The following WWOX variants were observed in gnomAD, a reference collection of about 807,000 sequenced individuals.
WWOX encodes the protein WW domain containing oxidoreductase.
Under a neutral mutation model 46.2 loss-of-function variants are expected in WWOX, and 69 were observed. The observed-to-expected ratio is 1.49, with a 90% CI of 1.23 to 1.82. WWOX has a LOEUF of 1.82. Ranked by LOEUF, WWOX falls within the 40% of genes most tolerant of loss-of-function variation. WWOX has a pLI of 0.00. For missense variants in WWOX, 919 were observed against 542.6 expected, an observed-to-expected ratio of 1.69 and a Z score of -6.89; for synonymous variants, 359 against 202.6, an observed-to-expected ratio of 1.77 and a Z score of -6.56.
chr16:78,604,123 G>T (rs142772500), intron 8 of WWOX, among the ~76,000 whole-genome samples: 3 of 152,228 alleles, frequency 2.0e-5, no homozygotes, highest in African/African-American at 7.2e-5. Flanking sequence ...TAGCCTGGGT[G>T]ACCGAGACCT....
intron 8 of WWOX, among the ~76,000 whole-genome samples, chr16:78,995,234 C>A (rs181768943): frequency 6.6e-6 from 1 of 151,998 alleles, no homozygotes; most frequent in African/African-American, 2.4e-5. Context: ...AAAGCCCATG[C>A]CCAATCCTTG....
At chr16:78,992,493 T>A (rs1398982116) in intron 8 of WWOX, among the ~76,000 whole-genome samples, 1 of 151,996 alleles carries the variant, frequency 6.6e-6, no homozygotes, top group Non-Finnish European at 1.5e-5. Context: ...ACAAAAACAA[T>A]TTGGCTCCAG....
chr16:78,917,928 G>A (rs756561870), intron 8 of WWOX, among the ~76,000 whole-genome samples: 4 of 152,150 alleles, frequency 2.6e-5, no homozygotes, highest in Non-Finnish European at 4.4e-5. Context: ...TAGGCTGGGC[G>A]TGGTGGCTCA....
intron 5 of WWOX, chr16:78,355,804 C>T: frequency 1.4e-6 from 1 of 720,910 alleles, no homozygotes; most frequent in Non-Finnish European, 2.4e-6. Flanking sequence ...ATGGCATTTT[C>T]CTGGTTGCCC....
At chr16:78,729,666 C>T (rs769310942) in intron 8 of WWOX, among the ~76,000 whole-genome samples, 12 of 152,108 alleles carry the variant, frequency 7.9e-5, no homozygotes, top group Non-Finnish European at 1.3e-4. Flanking sequence ...TTCTGGCTTC[C>T]GGAACTGCAA....
At chr16:78,218,667 G>A (rs150844245) in intron 5 of WWOX, among the ~76,000 whole-genome samples, 180 of 152,298 alleles carry the variant, frequency 1.2e-3, no homozygotes, top group Admixed American at 3.0e-3. Flanking sequence ...ATGATGTGTA[G>A]CGTGGTCTCC....
chr16:78,357,775 C>G (rs1339947801), intron 5 of WWOX, among the ~76,000 whole-genome samples: 2 of 152,142 alleles, frequency 1.3e-5, no homozygotes, highest in African/African-American at 2.4e-5. Context: ...TGCACTCTTG[C>G]TGGGTATGTG....
chr16:78,884,284 A>C (rs1361466202), intron 8 of WWOX, among the ~76,000 whole-genome samples: 3 of 149,722 alleles, frequency 2.0e-5, no homozygotes, highest in African/African-American at 7.4e-5. Flanking sequence ...AAAAAAAAAA[A>C]AAAAAAAAAC....
chr16:78,637,108 A>C (rs7196215), intron 8 of WWOX, among the ~76,000 whole-genome samples: 2 of 151,972 alleles, frequency 1.3e-5, no homozygotes, highest in South Asian at 2.1e-4. Flanking sequence ...TGCCCATCAC[A>C]CTGCCTGCAT....
At chr16:78,893,393 T>C (rs1488806627) in intron 8 of WWOX, among the ~76,000 whole-genome samples, 1 of 152,294 alleles carries the variant, frequency 6.6e-6, no homozygotes, top group East Asian at 1.9e-4. Flanking sequence ...CCATTCAGTA[T>C]ATTTTCTTTA....
At chr16:78,356,734 T>C (rs921735157) in intron 5 of WWOX, among the ~76,000 whole-genome samples, 2 of 152,000 alleles carry the variant, frequency 1.3e-5, no homozygotes, top group African/African-American at 4.8e-5. Flanking sequence ...TAGAAAAAAT[T>C]AGCCGGGCAT....
At chr16:78,246,920 C>T (rs768449684) in intron 5 of WWOX, among the ~76,000 whole-genome samples, 5 of 151,972 alleles carry the variant, frequency 3.3e-5, no homozygotes, top group South Asian at 4.2e-4. Context: ...TTCGGAGCCA[C>T]AAGAATGCAA....
intron 8 of WWOX, among the ~76,000 whole-genome samples, chr16:78,950,656 G>T (rs1691414856): frequency 1.3e-5 from 2 of 151,998 alleles, no homozygotes; most frequent in Admixed American, 1.3e-4. Flanking sequence ...GAATTTTGAG[G>T]TGGAATCCTT....
chr16:79,025,497 A>C (rs2047619948), intron 8 of WWOX, among the ~76,000 whole-genome samples: 2 of 152,072 alleles, frequency 1.3e-5, no homozygotes, highest in Admixed American at 1.3e-4. Flanking sequence ...GAAGGTAGAG[A>C]CTGAGATCGG....
chr16:79,051,901 G>C (rs1425264694), intron 8 of WWOX, among the ~76,000 whole-genome samples: 1 of 152,186 alleles, frequency 6.6e-6, no homozygotes, highest in African/African-American at 2.4e-5. Context: ...GCTTATACTG[G>C]TCCAAGCAAG....
chr16:78,673,152 C>G lies in WWOX; in HGVS notation c.1056+240400C>G, dbSNP rs117204901. Among the ~76,000 whole-genome samples, 200 of 152,306 alleles carry G rather than the reference C, an allele frequency of 1.3e-3. 3 individuals carry two copies. In the East Asian group the frequency reaches 0.025, roughly 19 times the overall value. On this transcript the variant is annotated intron_variant, in intron 8 of 8. Transcript: ENST00000566780. Reference sequence around the variant, plus strand: ...GTCCTGAAGGAACAGCTCAAGTCCTCATTCTCATTCACGGGAGGCTGCGGC... The same window carrying G: ...GTCCTGAAGGAACAGCTCAAGTCCTGATTCTCATTCACGGGAGGCTGCGGC...
intron 7 of WWOX, among the ~76,000 whole-genome samples, chr16:78,430,356 T>A (rs928946922): frequency 6.6e-6 from 1 of 152,112 alleles, no homozygotes; most frequent in Non-Finnish European, 1.5e-5. Flanking sequence ...TCAGTCACCC[T>A]CCAAAAATCA....
intron 5 of WWOX, among the ~76,000 whole-genome samples, chr16:78,216,581 T>G (rs1389730512): frequency 1.3e-5 from 2 of 152,108 alleles, no homozygotes; most frequent in Non-Finnish European, 2.9e-5. Context: ...TATGGCCTCT[T>G]CATTTTTCAA....
chr16:78,910,086 T>C (rs72806732), intron 8 of WWOX, among the ~76,000 whole-genome samples: 3,907 of 152,346 alleles, frequency 0.026, 71 homozygotes, highest in Non-Finnish European at 0.039. Flanking sequence ...TCATTTTTCA[T>C]GTGTAGATGT....
Sources: gnomAD v4.1 joint callset for allele counts (sites outside exome capture counted in the v4.1 genomes callset) on GRCh38, gnomAD v4.1.1 for gene constraint, MANE v1.5 for transcripts, NCBI Gene and HGNC (gene_info 2026-07-23, HGNC 2026-07-21) for gene names.